The following EXOC6B variants were observed in gnomAD, a reference collection of about 807,000 sequenced individuals.
The protein encoded by EXOC6B is SEC15 homolog B.
EXOC6B carries 54 observed loss-of-function variants against 113.5 expected under a neutral mutation model. That is an observed-to-expected ratio of 0.48 (90% CI 0.38 to 0.60). The LOEUF is 0.60. Ranked by LOEUF, EXOC6B falls within the 20% of genes least tolerant of loss-of-function variation. The pLI is 0.00. For missense variants in EXOC6B, 797 were observed against 977.5 expected (o/e 0.82, Z 2.46); for synonymous variants, 357 against 339.0 (o/e 1.05, Z -0.58).
intron 6 of EXOC6B, among the ~76,000 whole-genome samples, chr2:72,666,780 GACACACACACACACAC>G (rs71404724): frequency 1.5e-4 from 12 of 81,160 alleles, no homozygotes; most frequent in African/African-American, 2.8e-4. Context: ...ATTTACAATA[GACACACACACACACAC>G]ACACACACAC....
intron 1 of EXOC6B, among the ~76,000 whole-genome samples, chr2:72,798,562 A>G (rs1559011070): frequency 6.6e-6 from 1 of 152,234 alleles, no homozygotes; most frequent in Non-Finnish European, 1.5e-5. Context: ...AAAGAAGTAT[A>G]TATACGGTGA....
At chr2:72,211,139 G>A (rs925896513) in intron 20 of EXOC6B, among the ~76,000 whole-genome samples, 1 of 152,160 alleles carries the variant, frequency 6.6e-6, no homozygotes. Flanking sequence ...CCTGCAACCT[G>A]TAAGACTCAT....
chr2:72,748,765 G>A (rs564207716), intron 1 of EXOC6B, among the ~76,000 whole-genome samples: 1 of 152,130 alleles, frequency 6.6e-6, no homozygotes, highest in South Asian at 2.1e-4. Context: ...AATAAAAGCA[G>A]GGTGGAGCAG....
At chr2:72,517,628 A>C (rs1381824778) in intron 8 of EXOC6B, among the ~76,000 whole-genome samples, 2 of 152,142 alleles carry the variant, frequency 1.3e-5, no homozygotes, top group African/African-American at 2.4e-5. Context: ...TTAAATCTTA[A>C]TTACATTCTG....
At chr2:72,494,735 A>T (rs1442159873) in intron 15 of EXOC6B, among the ~76,000 whole-genome samples, 1 of 152,112 alleles carries the variant, frequency 6.6e-6, no homozygotes, top group East Asian at 1.9e-4. Context: ...AGCACTTATT[A>T]ATTGTTCAGC....
intron 19 of EXOC6B, among the ~76,000 whole-genome samples, chr2:72,372,262 T>A (rs1427045332): frequency 6.6e-6 from 1 of 152,122 alleles, no homozygotes; most frequent in Non-Finnish European, 1.5e-5. Flanking sequence ...ATCTATAGGT[T>A]CAATGCAATT....
At chr2:72,339,395 A>G (rs1688894944) in intron 19 of EXOC6B, among the ~76,000 whole-genome samples, 2 of 152,196 alleles carry the variant, frequency 1.3e-5, no homozygotes. Context: ...GATCCAAGCC[A>G]GCACCAGAGA....
intron 20 of EXOC6B, among the ~76,000 whole-genome samples, chr2:72,250,258 AG>A (rs1682928400): frequency 1.3e-5 from 2 of 152,206 alleles, no homozygotes; most frequent in Non-Finnish European, 2.9e-5. Context: ...GCTTGGTTGG[AG>A]CCTCTATTAC....
At chr2:72,228,645 T>A (rs1331622978) in intron 20 of EXOC6B, among the ~76,000 whole-genome samples, 1 of 152,246 alleles carries the variant, frequency 6.6e-6, no homozygotes, top group Non-Finnish European at 1.5e-5. Flanking sequence ...TGTGCCATAT[T>A]TTCTTAATCC....
intron 6 of EXOC6B, among the ~76,000 whole-genome samples, chr2:72,717,457 T>C (rs1439616852): frequency 6.6e-6 from 1 of 152,116 alleles, no homozygotes; most frequent in Non-Finnish European, 1.5e-5. Flanking sequence ...ATGTGACAAA[T>C]TTCAAGTGAG....
At position 72,450,430 on chromosome 2, in the gene EXOC6B, TTA is replaced by T. The variant is rs1696842919; in HGVS notation, c.1980+14728_1980+14729del. Among the ~76,000 whole-genome samples the T allele has an allele frequency of 4.6e-5, 7 of 152,298 alleles. No individual in the cohort carries two copies. The South Asian group carries it at 1.5e-3, about 32-fold the overall frequency. On this transcript the variant is annotated intron_variant, in intron 18 of 21. Coordinates refer to ENST00000272427, the MANE Select transcript of EXOC6B (RefSeq NM_015189.3). ...ATAGAGGGTATAGACACATTAAAAG[TTA>T]ATCTCACAACTATCACATTATTTTA...
chr2:72,516,326 C>T (rs1233342035), intron 8 of EXOC6B, among the ~76,000 whole-genome samples: 1 of 152,198 alleles, frequency 6.6e-6, no homozygotes, highest in African/African-American at 2.4e-5. Context: ...CGGCTCACTG[C>T]AACCTCTGCC....
intron 6 of EXOC6B, among the ~76,000 whole-genome samples, chr2:72,680,048 CTCTATA>C (rs1319149139): frequency 6.6e-6 from 1 of 152,012 alleles, no homozygotes; most frequent in African/African-American, 2.4e-5. Flanking sequence ...ATGTCATTAT[CTCTATA>C]ATGAATTCTA....
intron 20 of EXOC6B, among the ~76,000 whole-genome samples, chr2:72,257,254 T>G (rs930405646): frequency 1.3e-5 from 2 of 152,102 alleles, no homozygotes; most frequent in South Asian, 2.1e-4. Flanking sequence ...GTCACGGAGC[T>G]TAAAAAAAAA....
At chr2:72,495,047 G>A (rs916031055) in intron 15 of EXOC6B, among the ~76,000 whole-genome samples, 2 of 151,728 alleles carry the variant, frequency 1.3e-5, no homozygotes, top group African/African-American at 4.8e-5. Context: ...TATAGAGATG[G>A]GGGTCCCACT....
intron 6 of EXOC6B, among the ~76,000 whole-genome samples, chr2:72,683,296 T>C (rs1451265377): frequency 6.6e-6 from 1 of 151,884 alleles, no homozygotes; most frequent in Non-Finnish European, 1.5e-5. Context: ...GCTCAAAAAG[T>C]GACTTTTAAA....
chr2:72,657,787 C>T (rs878911174), intron 6 of EXOC6B, among the ~76,000 whole-genome samples: 1 of 150,514 alleles, frequency 6.6e-6, no homozygotes, highest in Admixed American at 6.6e-5. Flanking sequence ...ATAAAGCACT[C>T]GATACATATT....
chr2:72,780,901 T>C (rs982529684), intron 1 of EXOC6B, among the ~76,000 whole-genome samples: 1 of 152,206 alleles, frequency 6.6e-6, no homozygotes, highest in Non-Finnish European at 1.5e-5. Flanking sequence ...CCTTGTTAGG[T>C]TGTTTTTGTA....
At chr2:72,696,765 G>C (rs1677913058) in intron 6 of EXOC6B, among the ~76,000 whole-genome samples, 1 of 152,164 alleles carries the variant, frequency 6.6e-6, no homozygotes, top group African/African-American at 2.4e-5. Flanking sequence ...GGGGAGGCCA[G>C]AAGACAAATT....
Sources: allele counts gnomAD v4.1 joint callset (sites outside exome capture counted in the v4.1 genomes callset), GRCh38; gene constraint gnomAD v4.1.1; transcripts MANE v1.5; gene names NCBI Gene and HGNC (gene_info 2026-07-23, HGNC 2026-07-21).